Variants in RTL4 observed in about 807,000 individuals in gnomAD.
RTL4 encodes retrotransposon Gag-like protein 4.
A neutral mutation model predicts 5.3 loss-of-function variants in RTL4; 4 were observed. The ratio of observed to expected loss-of-function variants is 0.75; its 90% CI spans 0.37 to 1.72. The LOEUF (loss-of-function observed/expected upper bound fraction) is 1.72, where lower values mean the gene tolerates loss of function less well. Ranked by LOEUF, RTL4 falls within the 40% of genes most tolerant of loss-of-function variation. RTL4 has a pLI of 0.04. For synonymous variants in RTL4, 98 were observed against 87.3 expected, an observed-to-expected ratio of 1.12 and a Z score of -0.68; for missense variants, 260 against 227.1, an observed-to-expected ratio of 1.14 and a Z score of -0.93.
chrX:112,345,218 C>T, the RTL4 span, among the ~76,000 whole-genome samples: 4 of 111,158 alleles, frequency 3.6e-5, no homozygotes, highest in Non-Finnish European at 5.7e-5. Context: ...GAGATGATGA[C>T]GTGAGTGCTC....
chrX:112,450,214 G>A (rs1046924348), upstream of RTL4, among the ~76,000 whole-genome samples: 4 of 112,500 alleles, frequency 3.6e-5, no homozygotes, highest in East Asian at 1.1e-3. Context: ...GGACTCCAGA[G>A]TAAAGTAGTT....
the RTL4 span, among the ~76,000 whole-genome samples, chrX:112,267,572 GT>G: frequency 9.0e-6 from 1 of 111,439 alleles, no homozygotes; most frequent in Admixed American, 9.5e-5. Flanking sequence ...CAGATTCATG[GT>G]TTTGAATATT....
chrX:112,446,738 C>G, the RTL4 span, among the ~76,000 whole-genome samples: 1 of 111,975 alleles, frequency 8.9e-6, no homozygotes, highest in Non-Finnish European at 1.9e-5. Flanking sequence ...ATCCCAGCTA[C>G]TTGGGAGGCT....
the RTL4 span, among the ~76,000 whole-genome samples, chrX:112,104,434 C>T: frequency 9.1e-6 from 1 of 109,732 alleles, no homozygotes; most frequent in Non-Finnish European, 1.9e-5. Context: ...ATCACTGGCT[C>T]ATATGGTAAT....
At chrX:112,398,862 A>C in the RTL4 span, among the ~76,000 whole-genome samples, 27,437 of 111,285 alleles carry the variant, frequency 0.25, 2,566 homozygotes, top group Admixed American at 0.36. Flanking sequence ...CTTCAGTTTT[A>C]GGGATGAGTT....
chrX:112,260,164 C>G, the RTL4 span, among the ~76,000 whole-genome samples: 1 of 111,774 alleles, frequency 8.9e-6, no homozygotes, highest in Non-Finnish European at 1.9e-5. Context: ...AACAATTTAT[C>G]TAGGGCTGGT....
At chrX:112,129,095 A>G in the RTL4 span, among the ~76,000 whole-genome samples, 5 of 112,104 alleles carry the variant, frequency 4.5e-5, no homozygotes, top group Admixed American at 1.9e-4. Context: ...GATATTCAAC[A>G]TCATTAGTTA....
chrX:112,173,444 T>G, the RTL4 span, among the ~76,000 whole-genome samples: 2 of 111,201 alleles, frequency 1.8e-5, no homozygotes, highest in Non-Finnish European at 3.8e-5. Context: ...CTTGGGAAAG[T>G]TACTTGGCTT....
the RTL4 span, among the ~76,000 whole-genome samples, chrX:112,360,099 A>G: frequency 9.0e-6 from 1 of 111,330 alleles, no homozygotes; most frequent in East Asian, 2.8e-4. Context: ...ACTCAGGCTC[A>G]CTGTCTGAAC....
the RTL4 span, among the ~76,000 whole-genome samples, chrX:112,191,718 T>A: frequency 9.0e-6 from 1 of 111,376 alleles, no homozygotes; most frequent in African/African-American, 3.3e-5. Flanking sequence ...ATGGAAAGAG[T>A]AGGCCTGCAA....
the RTL4 span, among the ~76,000 whole-genome samples, chrX:112,411,553 G>A: frequency 1.8e-5 from 2 of 111,306 alleles, no homozygotes; most frequent in Admixed American, 9.6e-5. Flanking sequence ...CTCAACATAT[G>A]CAAATCAATC....
At chrX:112,432,714 G>A in the RTL4 span, among the ~76,000 whole-genome samples, 2 of 99,015 alleles carry the variant, frequency 2.0e-5, no homozygotes, top group African/African-American at 7.5e-5. Context: ...TTCTTTTGCT[G>A]TGCAGAAGCT....
chrX:112,191,471 G>T, the RTL4 span, among the ~76,000 whole-genome samples: 14 of 111,226 alleles, frequency 1.3e-4, no homozygotes, highest in Non-Finnish European at 2.5e-4. Flanking sequence ...GCATCCTAGG[G>T]TATCATACAG....
At chrX:112,116,369 G>T in the RTL4 span, among the ~76,000 whole-genome samples, 3 of 110,944 alleles carry the variant, frequency 2.7e-5, no homozygotes, top group East Asian at 2.9e-4. Context: ...CTTAAAGGTG[G>T]CATGGACCCA....
chrX:112,343,445 C>CT, the RTL4 span, among the ~76,000 whole-genome samples: 1 of 111,778 alleles, frequency 8.9e-6, no homozygotes, highest in East Asian at 2.8e-4. Flanking sequence ...ATGGTGTCTT[C>CT]TATAGTATGT....
chrX:112,283,905 T>C, the RTL4 span, among the ~76,000 whole-genome samples: 3 of 110,892 alleles, frequency 2.7e-5, no homozygotes, highest in Admixed American at 2.9e-4. Flanking sequence ...ACTTGGCCTT[T>C]ATTTCTAATC....
the RTL4 span, among the ~76,000 whole-genome samples, chrX:112,247,668 A>T: frequency 8.9e-6 from 1 of 112,287 alleles, no homozygotes; most frequent in South Asian, 3.8e-4. Flanking sequence ...CGAATAAGTG[A>T]CTGAGCCAGA....
the RTL4 span, among the ~76,000 whole-genome samples, chrX:112,215,828 T>C: frequency 8.9e-6 from 1 of 111,769 alleles, no homozygotes; most frequent in Non-Finnish European, 1.9e-5. Context: ...TATTGCTGCA[T>C]CATATGGTAA....
chrX:112,102,964 C>T, the RTL4 span, among the ~76,000 whole-genome samples: 2 of 111,877 alleles, frequency 1.8e-5, no homozygotes, highest in Admixed American at 9.5e-5. Context: ...GAAAAAAGAA[C>T]GCTTTTACAT....
Sources: gnomAD v4.1 joint callset for allele counts (sites outside exome capture counted in the v4.1 genomes callset) on GRCh38, gnomAD v4.1.1 for gene constraint, MANE v1.5 for transcripts, NCBI Gene and HGNC (gene_info 2026-07-23, HGNC 2026-07-21) for gene names.